Variants in SCD5 observed in about 807,000 individuals in gnomAD.
SCD5 encodes stearoyl-CoA desaturase 5, also known as acyl-CoA-desaturase 4.
Under a neutral mutation model 30.4 loss-of-function variants are expected in SCD5, and 20 were observed. The ratio of observed to expected loss-of-function variants is 0.66; its 90% CI spans 0.46 to 0.96. The LOEUF (loss-of-function observed/expected upper bound fraction) is 0.96. Ranked by LOEUF, SCD5 falls within the 40% of genes least tolerant of loss-of-function variation. The pLI is 0.00. For missense variants in SCD5, 381 were observed against 443.3 expected, an observed-to-expected ratio of 0.86 and a Z score of 1.26; for synonymous variants, 173 against 176.4, an observed-to-expected ratio of 0.98 and a Z score of 0.16.
At position 82,660,924 on chromosome 4, in the gene SCD5, C is replaced by G. The variant is rs149984422; in HGVS notation, c.569+19783G>C. ...AAAGAGCACGCAGCATCAAGCAGCA[C>G]TTTTCGGAGTGGTTACAATGAGTAT... On this transcript the variant is annotated intron_variant, in intron 3 of 4. Coordinates refer to ENST00000319540, the MANE Select transcript of SCD5 (RefSeq NM_001037582.3). 7.6e-5 allele frequency: 123 copies of G among 1,614,102 alleles called. 1 individual carries two copies. The African/African-American group carries it at 1.5e-3, about 20-fold the overall frequency.
At chr4:82,730,587 T>TC (rs1294821692) in intron 1 of SCD5, among the ~76,000 whole-genome samples, 1 of 126,778 alleles carries the variant, frequency 7.9e-6, no homozygotes, top group Admixed American at 7.9e-5. Flanking sequence ...TTTCCCTTCT[T>TC]TTTTTTTTTT....
At chr4:82,655,775 T>C (rs549722295) in intron 3 of SCD5, among the ~76,000 whole-genome samples, 24 of 152,250 alleles carry the variant, frequency 1.6e-4, no homozygotes, top group Non-Finnish European at 3.1e-4. Flanking sequence ...TCAATAATTT[T>C]GTAAGATAGA....
At chr4:82,773,450 C>G (rs561061481) in intron 1 of SCD5, among the ~76,000 whole-genome samples, 1 of 152,272 alleles carries the variant, frequency 6.6e-6, no homozygotes, top group East Asian at 1.9e-4. Context: ...TCAGCAGGGC[C>G]ACCCAAGTCC....
intron 3 of SCD5, among the ~76,000 whole-genome samples, chr4:82,659,329 C>T (rs192356531): frequency 6.6e-6 from 1 of 152,270 alleles, no homozygotes; most frequent in East Asian, 1.9e-4. Context: ...TCTCTATCTC[C>T]TTCAGTTCTG....
chr4:82,708,854 C>A (rs998777005), intron 1 of SCD5, among the ~76,000 whole-genome samples: 2 of 152,130 alleles, frequency 1.3e-5, no homozygotes, highest in African/African-American at 4.8e-5. Flanking sequence ...AGCACTTGGC[C>A]GAGCTCTCTA....
chr4:82,765,180 T>G (rs549010828), intron 1 of SCD5, among the ~76,000 whole-genome samples: 1 of 152,358 alleles, frequency 6.6e-6, no homozygotes, highest in African/African-American at 2.4e-5. Context: ...AGTGCATGTC[T>G]ACTGGAAATG....
At chr4:82,727,900 G>T (rs143459344) in intron 1 of SCD5, among the ~76,000 whole-genome samples, 4,882 of 152,172 alleles carry the variant, frequency 0.032, 266 homozygotes, top group African/African-American at 0.11. Context: ...TAGAGACGGG[G>T]TTTCACCATG....
rs558028699 is a variant in SCD5, at chr4:82,674,362, T to G, written c.569+6345A>C. 8.6e-5 allele frequency among the ~76,000 whole-genome samples: 13 copies of G among 152,024 alleles called. No homozygotes were observed. In the South Asian group the frequency reaches 2.5e-3, roughly 29 times the overall value. The stretch of plus-strand genomic sequence containing the variant: ...TTGACAAACATCTTACTAAAGAAAA[T>G]ATATAGATGGAACAATAAGCTTATC... On this transcript the variant is annotated intron_variant, in intron 3 of 4. Transcript: ENST00000319540.
At chr4:82,712,297 T>TATATACACATA (rs1560540874) in intron 1 of SCD5, among the ~76,000 whole-genome samples, 1 of 33,764 alleles carries the variant, frequency 3.0e-5, no homozygotes, top group Non-Finnish European at 6.3e-5. Flanking sequence ...TATATATATA[T>TATATACACATA]TTTATTTTTA....
chr4:82,701,263 G>C (rs1449557007), intron 2 of SCD5, among the ~76,000 whole-genome samples: 1 of 152,014 alleles, frequency 6.6e-6, no homozygotes, highest in African/African-American at 2.4e-5. Flanking sequence ...TATGTTAAGA[G>C]AGGACAGAAA....
intron 1 of SCD5, chr4:82,776,156 T>C (rs1321375256): frequency 6.6e-6 from 1 of 152,654 alleles, no homozygotes; most frequent in Non-Finnish European, 1.5e-5. Flanking sequence ...AAAACAAAAA[T>C]GGAAATTATA....
At chr4:82,633,012 T>C (rs1182826056) in intron 4 of SCD5, among the ~76,000 whole-genome samples, 1 of 152,164 alleles carries the variant, frequency 6.6e-6, no homozygotes, top group Non-Finnish European at 1.5e-5. Context: ...AAATCTACTC[T>C]CTCAGTGATT....
chr4:82,660,878 A>AGG (rs1560526774), intron 3 of SCD5: 1 of 1,614,052 alleles, frequency 6.2e-7, no homozygotes, highest in East Asian at 2.2e-5. Flanking sequence ...TCTGACCTTC[A>AGG]GAATACCTCC....
intron 1 of SCD5, among the ~76,000 whole-genome samples, chr4:82,712,255 TATATATATATATATATATATATATATATA>T (rs1720110044): frequency 1.0e-4 from 3 of 29,456 alleles, no homozygotes; most frequent in African/African-American, 6.2e-4. Context: ...TATATATATA[TATATATATATATATATATATATATATATA>T]TATATATATA....
chr4:82,714,469 G>C (rs1720181377), intron 1 of SCD5, among the ~76,000 whole-genome samples: 1 of 152,262 alleles, frequency 6.6e-6, no homozygotes, highest in Non-Finnish European at 1.5e-5. Context: ...CTGAAGGAGA[G>C]ACCCAGGTAT....
At chr4:82,760,540 C>G (rs566466438) in intron 1 of SCD5, among the ~76,000 whole-genome samples, 1 of 152,156 alleles carries the variant, frequency 6.6e-6, no homozygotes, top group Non-Finnish European at 1.5e-5. Context: ...GTTCTACACA[C>G]GCACCACCAC....
At chr4:82,723,373 G>C (rs1466105507) in intron 1 of SCD5, among the ~76,000 whole-genome samples, 1 of 152,154 alleles carries the variant, frequency 6.6e-6, no homozygotes, top group African/African-American at 2.4e-5. Context: ...TCTTTTAAAA[G>C]ACTTGTTTTT....
intron 3 of SCD5, among the ~76,000 whole-genome samples, chr4:82,639,471 G>T (rs920600421): frequency 6.6e-6 from 1 of 152,192 alleles, no homozygotes; most frequent in African/African-American, 2.4e-5. Flanking sequence ...AAATTGAAAG[G>T]TATTATCCTT....
intron 1 of SCD5, among the ~76,000 whole-genome samples, chr4:82,768,103 T>A (rs1369025553): frequency 6.6e-6 from 1 of 152,198 alleles, no homozygotes; most frequent in Admixed American, 6.5e-5. Context: ...AACTAGCAAA[T>A]ATTCATTACA....
Sources: allele counts gnomAD v4.1 joint callset (sites outside exome capture counted in the v4.1 genomes callset), GRCh38; gene constraint gnomAD v4.1.1; transcripts MANE v1.5; gene names NCBI Gene and HGNC (gene_info 2026-07-23, HGNC 2026-07-21).